Variants in CBLL1 observed in about 807,000 individuals in gnomAD.
CBLL1 encodes the protein E3 ubiquitin-protein ligase Hakai.
In CBLL1, 4 loss-of-function variants were observed where a neutral mutation model predicts 44.9. The observed-to-expected ratio is 0.09, with a 90% CI of 0.04 to 0.20. The LOEUF is 0.20. CBLL1 is among the 10% of genes least tolerant of loss of function. CBLL1 has a pLI of 1.00. For synonymous variants in CBLL1, 235 were observed against 202.2 expected, an observed-to-expected ratio of 1.16 and a Z score of -1.38; for missense variants, 569 against 636.7, an observed-to-expected ratio of 0.89 and a Z score of 1.14.
chr7:107,756,414 G>A (rs537058313), intron 5 of CBLL1, among the ~76,000 whole-genome samples: 2 of 152,058 alleles, frequency 1.3e-5, no homozygotes, highest in Admixed American at 1.3e-4. Flanking sequence ...GTTTTTATTA[G>A]CATTTTAAAG....
chr7:107,748,256 G>T (rs1261210269), intron 1 of CBLL1, among the ~76,000 whole-genome samples: 1 of 152,128 alleles, frequency 6.6e-6, no homozygotes, highest in Non-Finnish European at 1.5e-5. Context: ...TCAGTCACAT[G>T]TTATAGCACA....
chr7:107,756,404 G>A (rs1793528632), intron 5 of CBLL1, among the ~76,000 whole-genome samples: 3 of 152,226 alleles, frequency 2.0e-5, no homozygotes. Context: ...CTCTTGGCAT[G>A]TTTTTATTAG....
At chr7:107,752,879 G>A (rs1793366881) in intron 2 of CBLL1, among the ~76,000 whole-genome samples, 1 of 152,118 alleles carries the variant, frequency 6.6e-6, no homozygotes, top group Admixed American at 6.5e-5. Flanking sequence ...ATGTTAAAGT[G>A]TCTAAATCAC....
chr7:107,748,028 C>G (rs535489802), intron 1 of CBLL1, among the ~76,000 whole-genome samples: 56 of 152,206 alleles, frequency 3.7e-4, no homozygotes, highest in African/African-American at 7.9e-4. Context: ...TATATATTTT[C>G]ATCTACTTGA....
chr7:107,753,872 T>G, intron 3 of CBLL1, 23 bp from the exon 4 acceptor site: 1 of 1,456,222 alleles, frequency 6.9e-7, no homozygotes, highest in South Asian at 1.2e-5. Context: ...AAGAAGGTAA[T>G]TTTAATTATA....
rs189989024 is a variant in CBLL1 at position 107,752,058 on chromosome 7, G to C, written c.182-1353G>C. 5.9e-5 allele frequency among the ~76,000 whole-genome samples: 9 copies of C among 152,094 alleles called. No individual in the cohort carries two copies. In the East Asian group the frequency reaches 1.6e-3, roughly 26 times the overall value. ...ACTAAAAATACAAAAAATTAGCTGG[G>C]TGTGGTGGCGGGTGCCTGTAGTCCC... On this transcript the variant is annotated intron_variant, in intron 2 of 5. Transcript: ENST00000440859.
intron 2 of CBLL1, chr7:107,752,460 G>GTGTGTC (rs1461233279): frequency 7.6e-6 from 4 of 529,544 alleles, no homozygotes; most frequent in African/African-American, 2.0e-5. Flanking sequence ...GTGTGTGTGT[G>GTGTGTC]TGTGTCTGTG....
At chr7:107,749,080 T>C in intron 2 of CBLL1, 33 bp downstream of exon 2, 1 of 1,603,608 alleles carries the variant, frequency 6.2e-7, no homozygotes, top group Non-Finnish European at 8.5e-7. Flanking sequence ...CCAACACTCT[T>C]TCTGTTTTAT....
chr7:107,756,079 T>C (rs1793515184), intron 5 of CBLL1, among the ~76,000 whole-genome samples: 2 of 152,260 alleles, frequency 1.3e-5, no homozygotes, highest in South Asian at 4.1e-4. Context: ...CATCATTACA[T>C]AGTCTCAAAC....
At position 107,759,710 on chromosome 7, in the gene CBLL1, A is replaced by G. The variant is rs1793690744; in HGVS notation, c.*532A>G. On this transcript the variant is annotated 3_prime_UTR_variant, in exon 6 of 6. Coordinates refer to ENST00000440859, the MANE Select transcript of CBLL1 (RefSeq NM_024814.4). ...AATCTACTAGAATTTGCTGTAAGGC[A>G]GACTGTTAAATGATAGAGAATTATT... The G allele has an allele frequency of 6.5e-6, 1 of 153,276 alleles. No homozygotes were observed. The highest frequency in any genetic ancestry group is 2.1e-4 in the South Asian group (1 of 4,868). The allele number at this position is 153,276 out of a possible 1,614,324, so 9.5% of individuals were successfully genotyped here. A position where few individuals can be genotyped will look rare whatever the true frequency, so the allele number is the denominator to read the frequency against.
Position 107,752,719 on chromosome 7 carries a change from G to T in CBLL1, c.182-692G>T, listed in dbSNP as rs181020938. The T allele has an allele frequency of 1.2e-5, 5 of 415,474 alleles. No homozygotes were observed. In the East Asian group the frequency reaches 2.2e-4, roughly 18 times the overall value. The allele number at this position is 415,474 out of a possible 1,614,324, so 25.7% of individuals were successfully genotyped here. On this transcript the variant is annotated intron_variant, in intron 2 of 5. Coordinates refer to ENST00000440859, the MANE Select transcript of CBLL1 (RefSeq NM_024814.4). ...CCATCAACTTTTTAATTAGGCCAGA[G>T]AAATTGAGCCCCTTTCATCTTCATA...
Position 107,759,237 on chromosome 7 carries a change from T to C in CBLL1, c.*59T>C, listed in dbSNP as rs1793667694. 5.6e-6 allele frequency: 8 copies of C among 1,441,020 alleles called. No homozygotes were observed. The Admixed American group carries it at 1.0e-4, about 19-fold the overall frequency. The allele number at this position is 1,441,020 out of a possible 1,614,324, so 89.3% of individuals were successfully genotyped here. On this transcript the variant is annotated 3_prime_UTR_variant, in exon 6 of 6. Transcript: ENST00000440859. ...AAAAAACTTATGTGTAGTCAATCTT[T>C]TAAGCTTTGACTGTTTTGGGAAGGA...
chr7:107,746,741 A>G (rs2115585227), intron 1 of CBLL1, among the ~76,000 whole-genome samples: 1 of 152,378 alleles, frequency 6.6e-6, no homozygotes, highest in South Asian at 2.1e-4. Flanking sequence ...GAAACATTCA[A>G]ATGTGAAAAT....
chr7:107,753,936 C>T lies in CBLL1; in HGVS notation c.324C>T (p.Phe108=), dbSNP rs1030054730. The T allele has an allele frequency of 6.3e-7, 1 of 1,596,898 alleles. No homozygotes were observed. Among genetic ancestry groups the T allele is most frequent in the South Asian group, 1.1e-5 (1 of 88,904 alleles). The change falls in exon 4 of 6, where the codon TTC becomes TTT. Residue 108 remains phenylalanine (F), a synonymous_variant. Coordinates refer to ENST00000440859, the MANE Select transcript of CBLL1 (RefSeq NM_024814.4). ...AAAAGGATGATACACCAGTTCATTT[C>T]TGTGACAAGTGTGGATTGCCTATTA... The part of the protein sequence containing the change: ...LGEKDDTPVH[F]CDKCGLPIKI...
intron 5 of CBLL1, 138 bp downstream of exon 5, chr7:107,755,629 G>A (rs1793497478): frequency 4.6e-6 from 2 of 432,692 alleles, no homozygotes; most frequent in Non-Finnish European, 8.3e-6. Flanking sequence ...TTTTCTGTGA[G>A]CCCAGCTTGT....
intron 2 of CBLL1, chr7:107,752,407 C>T (rs1221259403): frequency 3.0e-6 from 1 of 337,546 alleles, no homozygotes; most frequent in African/African-American, 2.1e-5. Flanking sequence ...TCAAAAACTT[C>T]TTGCATCATT....
intron 1 of CBLL1, among the ~76,000 whole-genome samples, chr7:107,748,248 A>G (rs557365670): frequency 1.3e-5 from 2 of 152,336 alleles, no homozygotes; most frequent in African/African-American, 4.8e-5. Flanking sequence ...CTAAGAACTC[A>G]GTCACATGTT....
intron 1 of CBLL1, among the ~76,000 whole-genome samples, chr7:107,746,255 A>G (rs763428547): frequency 2.6e-5 from 4 of 152,214 alleles, no homozygotes; most frequent in Admixed American, 6.5e-5. Flanking sequence ...GTGAGTGTAA[A>G]GAGTGTTTAT....
rs1201097805 is a variant in CBLL1 at position 107,760,921 on chromosome 7, C to G, written c.*1743C>G. 6.6e-6 allele frequency: 1 copy of G among 152,114 alleles called. No individual in the cohort carries two copies. The highest frequency in any genetic ancestry group is 1.5e-5 in the Non-Finnish European group (1 of 67,890). The allele number at this position is 152,114 out of a possible 1,614,324, so 9.4% of individuals were successfully genotyped here. ...ATAAACTTTTTTGTTTTAAGTCAGGCAAGTGATTTTCTACATTTAGCAGTT... is the reference window on the plus strand; with the variant it reads ...ATAAACTTTTTTGTTTTAAGTCAGGGAAGTGATTTTCTACATTTAGCAGTT... On this transcript the variant is annotated 3_prime_UTR_variant, in exon 6 of 6. Transcript: ENST00000440859.
Sources: gnomAD v4.1 joint callset for allele counts (sites outside exome capture counted in the v4.1 genomes callset) on GRCh38, gnomAD v4.1.1 for gene constraint, MANE v1.5 for transcripts, NCBI Gene and HGNC (gene_info 2026-07-23, HGNC 2026-07-21) for gene names.